The following TMED5 variants were observed in gnomAD, a reference collection of about 807,000 sequenced individuals.
The protein encoded by TMED5 is transmembrane emp24 domain-containing protein 5.
Under a neutral mutation model 23.0 loss-of-function variants are expected in TMED5, and 27 were observed. That is an observed-to-expected ratio of 1.17 (90% confidence interval 0.86 to 1.62). The LOEUF is 1.62. TMED5 is among the 40% of genes most tolerant of loss of function. TMED5 has a pLI of 0.00. For missense variants in TMED5, 248 were observed against 273.7 expected (o/e 0.91, Z 0.66); for synonymous variants, 97 against 100.8 (o/e 0.96, Z 0.23).
chr1:93,180,315 C>G lies in TMED5; in HGVS notation c.-73G>C. 2 of 1,481,278 alleles carry G rather than the reference C, an allele frequency of 1.4e-6. No individual in the cohort carries two copies. Among genetic ancestry groups the G allele is most frequent in the Non-Finnish European group, 1.8e-6 (2 of 1,108,092 alleles). The allele number at this position is 1,481,278 out of a possible 1,614,324, so 91.8% of individuals were successfully genotyped here. Reference sequence around the variant, plus strand: ...CTCCGCTCCGCGTTTCCTCTCTGGACTCCTCGTGGTTGACAGGGAAATCTG... The same window carrying G: ...CTCCGCTCCGCGTTTCCTCTCTGGAGTCCTCGTGGTTGACAGGGAAATCTG... On this transcript the variant is annotated 5_prime_UTR_variant, in exon 1 of 4. Transcript: ENST00000370282.
At chr1:93,166,225 T>C (rs1424831163) in intron 1 of TMED5, among the ~76,000 whole-genome samples, 1 of 152,248 alleles carries the variant, frequency 6.6e-6, no homozygotes, top group African/African-American at 2.4e-5. Context: ...TCAACAAACA[T>C]GGGAGTGCAG....
At chr1:93,162,817 GA>G (rs1215516447) in intron 1 of TMED5, 1 of 152,190 alleles carries the variant, frequency 6.6e-6, no homozygotes, top group East Asian at 1.9e-4. Flanking sequence ...ATTAGCATCA[GA>G]ATTCTTACAT....
At chr1:93,160,683 C>T (rs1020945816) in intron 1 of TMED5, 1 of 152,868 alleles carries the variant, frequency 6.5e-6, no homozygotes, top group Non-Finnish European at 1.5e-5. Flanking sequence ...TGGTGTAACC[C>T]TGTCTCTACT....
At chr1:93,157,358 G>A (rs1648109117) in intron 2 of TMED5, among the ~76,000 whole-genome samples, 1 of 152,032 alleles carries the variant, frequency 6.6e-6, no homozygotes, top group African/African-American at 2.4e-5. Flanking sequence ...CATTAATTAT[G>A]CCAAGTGCTG....
At chr1:93,158,742 A>G in intron 2 of TMED5, 1 of 162,210 alleles carries the variant, frequency 6.2e-6, no homozygotes, top group South Asian at 2.0e-4. Flanking sequence ...TAATTTTTGT[A>G]TTTTTAGTAG....
In TMED5 at chr1:93,180,356, C is replaced by A; in HGVS notation, c.-114G>T. Reference sequence around the variant, plus strand: ...GGGAAATCTGGAGTCTGAAGAAACTCCAGGTGGCGGCCGCGGCGGCGGCGA... The same window carrying A: ...GGGAAATCTGGAGTCTGAAGAAACTACAGGTGGCGGCCGCGGCGGCGGCGA... On this transcript the variant is annotated 5_prime_UTR_variant, in exon 1 of 4. Transcript: ENST00000370282. 1 of 1,359,624 alleles carries A rather than the reference C, an allele frequency of 7.4e-7. No homozygotes were observed. The highest frequency in any genetic ancestry group is 1.5e-5 in the African/African-American group (1 of 66,308). 84.2% of individuals were successfully genotyped at this position (1,359,624 alleles called of 1,614,324 possible). A position where few individuals can be genotyped will look rare whatever the true frequency, so the allele number is the denominator to read the frequency against.
At chr1:93,160,958 T>C (rs530021233) in intron 1 of TMED5, 1 of 152,220 alleles carries the variant, frequency 6.6e-6, no homozygotes, top group East Asian at 1.9e-4. Flanking sequence ...AAGACCACCA[T>C]GGTGTGGACT....
chr1:93,156,179 T>C, intron 3 of TMED5, 121 bp downstream of exon 3: 8 of 1,175,840 alleles, frequency 6.8e-6, no homozygotes, highest in African/African-American at 1.6e-5. Flanking sequence ...ATGGCAAAAA[T>C]AAAATATTAG....
rs1035124087 is a variant in TMED5, at chr1:93,153,338, A to AAAT, written c.*1329_*1331dup. 2.6e-5 allele frequency: 4 copies of AAAT among 152,138 alleles called. No homozygotes were observed. Among genetic ancestry groups the AAAT allele is most frequent in the African/African-American group, 9.7e-5 (4 of 41,444 alleles). 9.4% of individuals were successfully genotyped at this position (152,138 alleles called of 1,614,324 possible). On this transcript the variant is annotated 3_prime_UTR_variant, in exon 4 of 4. Transcript: ENST00000370282. ...TTCTAATCCTTACTTCAACATCAAT[A>AAAT]AATAAAGTGTTCAGAAAGGCCATTT...
chr1:93,163,326 TTA>T (rs1648353449), intron 1 of TMED5: 2 of 151,586 alleles, frequency 1.3e-5, no homozygotes, highest in East Asian at 3.9e-4. Context: ...GGAAGGTTAA[TTA>T]AAAAATCATA....
chr1:93,163,649 T>C (rs931925973), intron 1 of TMED5, among the ~76,000 whole-genome samples: 3 of 150,726 alleles, frequency 2.0e-5, no homozygotes, highest in African/African-American at 7.3e-5. Context: ...GGCCATAAAA[T>C]ACACTTTAAA....
intron 1 of TMED5, 130 bp downstream of exon 1, chr1:93,179,924 G>C: frequency 9.9e-7 from 1 of 1,010,074 alleles, no homozygotes. Context: ...CGCGGAGCGG[G>C]CTGGCTTCCT....
chr1:93,165,476 G>C (rs1305802046), intron 1 of TMED5, among the ~76,000 whole-genome samples: 2 of 152,214 alleles, frequency 1.3e-5, no homozygotes, highest in Non-Finnish European at 2.9e-5. Flanking sequence ...GGAATACTCA[G>C]TTATAATGTA....
chr1:93,165,648 A>G (rs1309859006), intron 1 of TMED5, among the ~76,000 whole-genome samples: 2 of 152,234 alleles, frequency 1.3e-5, no homozygotes, highest in Non-Finnish European at 2.9e-5. Flanking sequence ...CATATTAACC[A>G]CATAGTGTAA....
chr1:93,156,554 A>G, intron 2 of TMED5, 71 bp from the exon 3 acceptor site: 1 of 1,272,932 alleles, frequency 7.9e-7, no homozygotes, highest in Non-Finnish European at 1.1e-6. Flanking sequence ...CTAAAGGTAA[A>G]AATAAGAAGT....
At chr1:93,171,399 C>T (rs1218958916) in intron 1 of TMED5, among the ~76,000 whole-genome samples, 5 of 152,192 alleles carry the variant, frequency 3.3e-5, no homozygotes, top group Non-Finnish European at 5.9e-5. Flanking sequence ...ACCAAGAACC[C>T]GCCAATTCCG....
intron 3 of TMED5, among the ~76,000 whole-genome samples, chr1:93,155,723 T>TC (rs2101124694): frequency 6.6e-6 from 1 of 152,164 alleles, no homozygotes; most frequent in South Asian, 2.1e-4. Context: ...CAAATGATCC[T>TC]CCCCCTAACC....
intron 1 of TMED5, among the ~76,000 whole-genome samples, chr1:93,168,569 C>T (rs919549681): frequency 6.6e-6 from 1 of 152,198 alleles, no homozygotes; most frequent in Non-Finnish European, 1.5e-5. Flanking sequence ...GGCATGGTGG[C>T]TCACGCCTGT....
chr1:93,165,606 T>C (rs1204585747), intron 1 of TMED5, among the ~76,000 whole-genome samples: 1 of 152,218 alleles, frequency 6.6e-6, no homozygotes, highest in Non-Finnish European at 1.5e-5. Flanking sequence ...ATGTATGGGG[T>C]ACATGAGATG....
Sources: gnomAD v4.1 joint callset for allele counts (sites outside exome capture counted in the v4.1 genomes callset) on GRCh38, gnomAD v4.1.1 for gene constraint, MANE v1.5 for transcripts, NCBI Gene and HGNC (gene_info 2026-07-23, HGNC 2026-07-21) for gene names.